Variants in BRINP3 observed in about 807,000 individuals in gnomAD.
The protein encoded by BRINP3 is BMP/retinoic acid-inducible neural-specific protein 3.
A neutral mutation model predicts 71.0 loss-of-function variants in BRINP3; 19 were observed. The ratio of observed to expected loss-of-function variants is 0.27; its 90% confidence interval spans 0.19 to 0.39. The LOEUF is 0.39. Among genes scored for constraint, BRINP3 ranks in the 10% least tolerant of loss-of-function variants. The pLI is 1.00. For synonymous variants in BRINP3, 380 were observed against 337.7 expected (o/e 1.13, Z -1.37); for missense variants, 959 against 940.8 (o/e 1.02, Z -0.25).
At chr1:190,198,716 A>T (rs768278437) in intron 6 of BRINP3, among the ~76,000 whole-genome samples, 2 of 152,108 alleles carry the variant, frequency 1.3e-5, no homozygotes, top group Non-Finnish European at 2.9e-5. Context: ...ATCTGAGACC[A>T]CCTCAGTCTC....
At chr1:190,254,594 G>C (rs1422479554) in intron 4 of BRINP3, among the ~76,000 whole-genome samples, 1 of 152,098 alleles carries the variant, frequency 6.6e-6, no homozygotes, top group Non-Finnish European at 1.5e-5. Context: ...TGGTGTATAG[G>C]AATGCTTGTG....
At chr1:190,158,949 A>T in intron 7 of BRINP3, among the ~76,000 whole-genome samples, 1 of 152,092 alleles carries the variant, frequency 6.6e-6, no homozygotes, top group Non-Finnish European at 1.5e-5. Flanking sequence ...AGAATTAATT[A>T]TCTGTATATC....
chr1:190,314,556 A>T (rs1427266263), intron 2 of BRINP3, among the ~76,000 whole-genome samples: 1 of 152,170 alleles, frequency 6.6e-6, no homozygotes, highest in South Asian at 2.1e-4. Flanking sequence ...AAGCTGGACT[A>T]ATGGGGGCAT....
At chr1:190,263,748 C>G (rs1166249730) in intron 4 of BRINP3, among the ~76,000 whole-genome samples, 1 of 151,916 alleles carries the variant, frequency 6.6e-6, no homozygotes, top group African/African-American at 2.4e-5. Context: ...GGCACCACAC[C>G]CAGCTAATTT....
intron 2 of BRINP3, among the ~76,000 whole-genome samples, chr1:190,395,867 T>C (rs1273473298): frequency 6.6e-6 from 1 of 151,870 alleles, no homozygotes; most frequent in Non-Finnish European, 1.5e-5. Context: ...CCATTTGTTT[T>C]CCTTCTTAGT....
intron 7 of BRINP3, among the ~76,000 whole-genome samples, chr1:190,139,353 T>C (rs1655235951): frequency 6.7e-6 from 1 of 148,264 alleles, no homozygotes; most frequent in South Asian, 2.1e-4. Flanking sequence ...CTGGGAGGCT[T>C]AAGCGGGAGA....
intron 6 of BRINP3, among the ~76,000 whole-genome samples, chr1:190,190,574 C>CA (rs1653945175): frequency 1.3e-5 from 2 of 151,906 alleles, no homozygotes; most frequent in South Asian, 4.1e-4. Flanking sequence ...CTTGATAATA[C>CA]AAAAAAATAC....
At chr1:190,259,722 A>T (rs1387184875) in intron 4 of BRINP3, among the ~76,000 whole-genome samples, 1 of 151,958 alleles carries the variant, frequency 6.6e-6, no homozygotes, top group South Asian at 2.1e-4. Context: ...TGCAGATAAC[A>T]TTATCTAATA....
chr1:190,405,359 G>A (rs1196460671), intron 2 of BRINP3, among the ~76,000 whole-genome samples: 1 of 149,536 alleles, frequency 6.7e-6, no homozygotes, highest in African/African-American at 2.5e-5. Flanking sequence ...GCTGAGGCAG[G>A]AGAATGGCGT....
chr1:190,322,905 CGTT>C (rs1482958931), intron 2 of BRINP3, among the ~76,000 whole-genome samples: 2 of 151,908 alleles, frequency 1.3e-5, no homozygotes, highest in Non-Finnish European at 2.9e-5. Flanking sequence ...TTAATTATCT[CGTT>C]TAATTTGATC....
At chr1:190,169,597 T>C (rs572157114) in intron 6 of BRINP3, among the ~76,000 whole-genome samples, 1 of 152,184 alleles carries the variant, frequency 6.6e-6, no homozygotes, top group South Asian at 2.1e-4. Flanking sequence ...AGGGCAATTA[T>C]AATTTGTAGT....
chr1:190,228,864 T>A (rs1380593858), intron 5 of BRINP3, among the ~76,000 whole-genome samples: 1 of 151,960 alleles, frequency 6.6e-6, no homozygotes, highest in East Asian at 1.9e-4. Context: ...CAGGTCTACC[T>A]AGTGCTGGAA....
At chr1:190,289,294 T>G (rs1663674598) in intron 2 of BRINP3, among the ~76,000 whole-genome samples, 1 of 151,946 alleles carries the variant, frequency 6.6e-6, no homozygotes, top group Admixed American at 6.6e-5. Flanking sequence ...TAAAATGTCT[T>G]AAAGGGAATT....
intron 2 of BRINP3, among the ~76,000 whole-genome samples, chr1:190,316,978 G>C (rs576192197): frequency 8.4e-4 from 127 of 151,938 alleles, no homozygotes; most frequent in Non-Finnish European, 1.6e-3. Context: ...TTCAAGACCA[G>C]CCTGGCCAAC....
chr1:190,384,768 A>G (rs1670775737), intron 2 of BRINP3, among the ~76,000 whole-genome samples: 1 of 151,872 alleles, frequency 6.6e-6, no homozygotes, highest in Admixed American at 6.6e-5. Flanking sequence ...CCCTGAACAA[A>G]ATTTAAACAA....
chr1:190,307,163 G>T (rs1665162008), intron 2 of BRINP3, among the ~76,000 whole-genome samples: 1 of 149,024 alleles, frequency 6.7e-6, no homozygotes, highest in African/African-American at 2.5e-5. Context: ...TAATAATTAG[G>T]AATGAAATTA....
intron 2 of BRINP3, among the ~76,000 whole-genome samples, chr1:190,363,243 T>G (rs1669266211): frequency 6.6e-6 from 1 of 152,144 alleles, no homozygotes; most frequent in African/African-American, 2.4e-5. Context: ...AATTAAGTAC[T>G]GTCTACAATG....
intron 2 of BRINP3, among the ~76,000 whole-genome samples, chr1:190,387,824 A>G (rs1488102070): frequency 6.6e-6 from 1 of 151,746 alleles, no homozygotes; most frequent in Non-Finnish European, 1.5e-5. Context: ...TGACTCACAA[A>G]TTTATATCTT....
At chr1:190,114,921 A>G (rs1336908691) in intron 7 of BRINP3, among the ~76,000 whole-genome samples, 1 of 152,172 alleles carries the variant, frequency 6.6e-6, no homozygotes, top group Non-Finnish European at 1.5e-5. Flanking sequence ...CAGATCTTTA[A>G]ACTATTAATA....
Sources: gnomAD v4.1 joint callset for allele counts (sites outside exome capture counted in the v4.1 genomes callset) on GRCh38, gnomAD v4.1.1 for gene constraint, MANE v1.5 for transcripts, NCBI Gene and HGNC (gene_info 2026-07-23, HGNC 2026-07-21) for gene names.